ZNF451: variants seen among roughly 807,000 people sequenced by gnomAD.
ZNF451 encodes zinc finger protein 451, also known as E3 SUMO-protein ligase ZNF451.
A neutral mutation model predicts 107.1 loss-of-function variants in ZNF451; 80 were observed. The ratio of observed to expected loss-of-function variants is 0.75; its 90% CI spans 0.62 to 0.90. ZNF451 has a LOEUF of 0.90. ZNF451 is among the 40% of genes least tolerant of loss of function. The pLI is 0.00. For missense variants in ZNF451, 1,107 were observed against 1,236.2 expected (o/e 0.90, Z 1.57); for synonymous variants, 362 against 406.5 (o/e 0.89, Z 1.32).
In ZNF451 at chr6:57,148,592, G is replaced by A; in HGVS notation, c.2507G>A (p.Ser836Asn). ...EKSNLYKFTA[S>N]ASHTERKLKQ... is the part of the protein sequence containing the mutation. ...TCAAACCTGTACAAGTTTACTGCTA[G>A]TGCCTCACATACAGAGAGAAAACTG... The change falls in exon 10 of 15, where the codon AGT becomes AAT. Residue 836 changes from serine (S) to asparagine (N), a missense_variant. By Grantham distance (46) the Ser-to-Asn change is conservative (BLOSUM62 1). Around this residue, in one of 5 missense-constraint regions of ZNF451, gnomAD observed 608 missense variants for 649.2 expected, o/e 0.94. Transcript: ENST00000370706. The A allele has an allele frequency of 6.2e-7, 1 of 1,614,100 alleles. No individual in the cohort carries two copies. Among genetic ancestry groups the A allele is most frequent in the Non-Finnish European group, 8.5e-7 (1 of 1,179,970 alleles).
intron 4 of ZNF451, among the ~76,000 whole-genome samples, chr6:57,125,929 C>T (rs941475125): frequency 6.6e-6 from 1 of 152,046 alleles, no homozygotes; most frequent in Non-Finnish European, 1.5e-5. Flanking sequence ...CCCCACCCCC[C>T]TAGAACTATA....
chr6:57,133,000 A>G (rs745904766), intron 5 of ZNF451, 42 bp from the exon 6 acceptor site: 5 of 1,608,138 alleles, frequency 3.1e-6, no homozygotes, highest in Non-Finnish European at 4.3e-6. Flanking sequence ...AAGGATAAGT[A>G]TCTGAAATAA....
At chr6:57,125,969 A>G (rs930165618) in intron 4 of ZNF451, among the ~76,000 whole-genome samples, 4 of 152,062 alleles carry the variant, frequency 2.6e-5, no homozygotes, top group Non-Finnish European at 4.4e-5. Context: ...TTATGTGTCA[A>G]ATCTCTTTGA....
intron 4 of ZNF451, among the ~76,000 whole-genome samples, chr6:57,125,487 A>G (rs1420972115): frequency 6.6e-6 from 1 of 152,310 alleles, no homozygotes; most frequent in South Asian, 2.1e-4. Flanking sequence ...ACTCCATACT[A>G]AAGTACAAAA....
intron 3 of ZNF451, among the ~76,000 whole-genome samples, chr6:57,114,281 A>G (rs1484083393): frequency 2.0e-5 from 3 of 152,346 alleles, no homozygotes; most frequent in South Asian, 2.1e-4. Context: ...GAATAAGCAT[A>G]TATTTTTAAG....
intron 13 of ZNF451, chr6:57,154,356 C>CCACCG: frequency 2.2e-6 from 1 of 449,626 alleles, no homozygotes; most frequent in Non-Finnish European, 3.9e-6. Flanking sequence ...GCTCAGAATT[C>CCACCG]AGATCTTCAC....
chr6:57,153,856 CTT>C lies in ZNF451; in HGVS notation c.2884-4_2884-3del. 6.2e-7 allele frequency: 1 copy of C among 1,613,898 alleles called. No individual in the cohort carries two copies. ...TATCAACCTGTGCCATTTGTTCTAA[CTT>C]AGGCTGGCCGTCTAGATGAACAACT... is the stretch of plus-strand genomic sequence containing the variant. On this transcript the variant is annotated splice_polypyrimidine_tract_variant and splice_region_variant and intron_variant, in intron 12 of 14. Coordinates refer to ENST00000370706, the MANE Select transcript of ZNF451 (RefSeq NM_001031623.3).
chr6:57,147,273 A>G lies in ZNF451; in HGVS notation c.1188A>G (p.Glu396=). Residue 396 remains glutamate (E), a synonymous_variant, in exon 10 of 15, where the codon GAA becomes GAG. Coordinates refer to ENST00000370706, the MANE Select transcript of ZNF451 (RefSeq NM_001031623.3). ...TCCGAGTCATTAACTCAGTGGAAGA[A>G]TCAGTCTTACTCTATTGCCACAGCA... ...HKVRVINSVE[E]SVLLYCHSSE... 1 of 1,614,128 alleles carries G rather than the reference A, an allele frequency of 6.2e-7. No homozygotes were observed. Among genetic ancestry groups the G allele is most frequent in the Non-Finnish European group, 8.5e-7 (1 of 1,179,986 alleles).
At chr6:57,117,381 A>G (rs1374464543) in intron 3 of ZNF451, among the ~76,000 whole-genome samples, 1 of 152,136 alleles carries the variant, frequency 6.6e-6, no homozygotes, top group Non-Finnish European at 1.5e-5. Context: ...AGTTAAATAA[A>G]ATATGTAGGC....
chr6:57,159,890 A>G (rs1485192969), intron 13 of ZNF451, among the ~76,000 whole-genome samples: 2 of 152,174 alleles, frequency 1.3e-5, no homozygotes, highest in Non-Finnish European at 2.9e-5. Context: ...AGAAACAAAT[A>G]TGTCTATATG....
chr6:57,108,333 C>T, intron 3 of ZNF451: 4 of 985,308 alleles, frequency 4.1e-6, no homozygotes, highest in Non-Finnish European at 4.8e-6. Context: ...ACAGTTAGAC[C>T]TCTTGTTAAC....
At chr6:57,105,265 C>T in intron 3 of ZNF451, 2 of 985,098 alleles carry the variant, frequency 2.0e-6, no homozygotes, top group African/African-American at 3.5e-5. Context: ...AAGGATGTAT[C>T]TAATGATCTT....
chr6:57,126,942 T>A (rs1456302473), intron 4 of ZNF451, among the ~76,000 whole-genome samples: 3 of 152,186 alleles, frequency 2.0e-5, no homozygotes, highest in Non-Finnish European at 4.4e-5. Context: ...TTAAAATAAG[T>A]ATGCTAGTAG....
At chr6:57,103,430 T>G (rs1210816856) in intron 3 of ZNF451, 1 of 985,430 alleles carries the variant, frequency 1.0e-6, no homozygotes. Context: ...TGCTCCCAAT[T>G]GGTCCCATTA....
intron 11 of ZNF451, chr6:57,151,695 TTTACAAATTG>T (rs1254009786): frequency 6.6e-6 from 1 of 152,568 alleles, no homozygotes; most frequent in East Asian, 1.9e-4. Flanking sequence ...TCTAAACCTC[TTTACAAATTG>T]TTGACCAAAC....
At chr6:57,151,100 G>A (rs776122093) in intron 11 of ZNF451, 20 of 375,760 alleles carry the variant, frequency 5.3e-5, no homozygotes, top group South Asian at 1.4e-4. Context: ...GGTGGCTCAC[G>A]TCTGTAATCC....
Position 57,148,018 on chromosome 6 carries a change from T to C in ZNF451, c.1933T>C (p.Phe645Leu). The change falls in exon 10 of 15, where the codon TTT becomes CTT. Residue 645 changes from phenylalanine (F) to leucine (L), a missense_variant. Physicochemically the swap from Phe to Leu is conservative, Grantham distance 22. Around this residue, in one of 5 missense-constraint regions of ZNF451, gnomAD observed 608 missense variants for 649.2 expected, o/e 0.94. Transcript: ENST00000370706. ...CAGCTGTGCTCACTGCAGAAAGCCTTTTCATAAGATAGAAACATTGTACCG... is the reference window on the plus strand; with the variant it reads ...CAGCTGTGCTCACTGCAGAAAGCCTCTTCATAAGATAGAAACATTGTACCG... ...RYSCAHCRKP[F>L]HKIETLYRHC... 1 of 1,614,112 alleles carries C rather than the reference T, an allele frequency of 6.2e-7. No individual in the cohort carries two copies. The highest frequency in any genetic ancestry group is 1.7e-5 in the Admixed American group (1 of 60,022).
chr6:57,108,439 CTT>C, intron 3 of ZNF451: 1 of 985,356 alleles, frequency 1.0e-6, no homozygotes, highest in African/African-American at 1.7e-5. Flanking sequence ...CTTAATACCT[CTT>C]TTGATTGGTG....
intron 4 of ZNF451, among the ~76,000 whole-genome samples, chr6:57,127,702 C>T (rs1026217333): frequency 3.9e-5 from 6 of 152,038 alleles, no homozygotes; most frequent in Non-Finnish European, 8.8e-5. Flanking sequence ...CTCTGTGTAC[C>T]TCAGGTTTTT....
Sources: gnomAD v4.1 joint callset for allele counts (sites outside exome capture counted in the v4.1 genomes callset) on GRCh38, gnomAD v4.1.1 for gene constraint, gnomAD v4.1.1 regional missense constraint, MANE v1.5 for transcripts, NCBI Gene and HGNC (gene_info 2026-07-23, HGNC 2026-07-21) for gene names.